CALN1: variants seen among roughly 807,000 people sequenced by gnomAD.
The protein encoded by CALN1 is calcium-binding protein 8.
CALN1 carries 17 observed loss-of-function variants against 30.6 expected under a neutral mutation model. The ratio of observed to expected loss-of-function variants is 0.56; its 90% CI spans 0.38 to 0.83. The LOEUF (loss-of-function observed/expected upper bound fraction) is 0.83, where lower values mean the gene tolerates loss of function less well. Ranked by LOEUF, CALN1 falls within the 40% of genes least tolerant of loss-of-function variation. CALN1 has a pLI of 0.00. For missense variants in CALN1, 291 were observed against 354.9 expected (o/e 0.82, Z 1.45); for synonymous variants, 156 against 131.4 (o/e 1.19, Z -1.28).
intron 3 of CALN1, among the ~76,000 whole-genome samples, chr7:72,248,287 G>A (rs1307363079): frequency 1.3e-5 from 2 of 152,190 alleles, no homozygotes; most frequent in Admixed American, 6.5e-5. Context: ...GCTAATTTTT[G>A]TATTTTTAGT....
chr7:72,114,998 T>C (rs1807866790), intron 3 of CALN1, among the ~76,000 whole-genome samples: 1 of 151,796 alleles, frequency 6.6e-6, no homozygotes, highest in South Asian at 2.1e-4. Context: ...AGGCTGGGCA[T>C]GCAACAGGAG....
chr7:72,306,716 C>G (rs917270120), intron 2 of CALN1, among the ~76,000 whole-genome samples: 4 of 152,022 alleles, frequency 2.6e-5, no homozygotes, highest in African/African-American at 9.7e-5. Flanking sequence ...GAGTTATCCC[C>G]TCTTTCTGGA....
chr7:72,118,709 G>A (rs1052493075), intron 3 of CALN1, among the ~76,000 whole-genome samples: 4 of 152,168 alleles, frequency 2.6e-5, no homozygotes, highest in African/African-American at 9.7e-5. Context: ...ATGTATGAGA[G>A]TGATAATCAC....
chr7:71,805,750 TATA>T (rs1787568758), intron 6 of CALN1, among the ~76,000 whole-genome samples: 1 of 152,170 alleles, frequency 6.6e-6, no homozygotes, highest in African/African-American at 2.4e-5. Context: ...TTCTTTATAA[TATA>T]ATGATTTATA....
At chr7:72,272,074 A>AG (rs1191042445) in intron 3 of CALN1, among the ~76,000 whole-genome samples, 1 of 151,462 alleles carries the variant, frequency 6.6e-6, no homozygotes, top group African/African-American at 2.4e-5. Flanking sequence ...AAAAAAAAAA[A>AG]AAGTCATCTA....
chr7:72,321,180 C>G (rs1800852511), intron 2 of CALN1, among the ~76,000 whole-genome samples: 2 of 128,702 alleles, frequency 1.6e-5, no homozygotes, highest in South Asian at 5.1e-4. Flanking sequence ...CCTGAAAAAG[C>G]ACTGTCTATT....
At chr7:72,313,817 G>A (rs1009221838) in intron 2 of CALN1, among the ~76,000 whole-genome samples, 1 of 152,206 alleles carries the variant, frequency 6.6e-6, no homozygotes, top group African/African-American at 2.4e-5. Context: ...AGAACAGAGA[G>A]GCAAGGGAGA....
chr7:72,019,860 T>C (rs1412101790), intron 5 of CALN1, among the ~76,000 whole-genome samples: 1 of 152,204 alleles, frequency 6.6e-6, no homozygotes, highest in African/African-American at 2.4e-5. Flanking sequence ...TAATGTATTA[T>C]GCAGCCAAAG....
chr7:71,851,208 A>AAC (rs56041427), intron 5 of CALN1, among the ~76,000 whole-genome samples: 26,636 of 131,762 alleles, frequency 0.2, 2,658 homozygotes, highest in South Asian at 0.26. Context: ...CCTTGTCTCA[A>AAC]ACACACACAC....
intron 5 of CALN1, among the ~76,000 whole-genome samples, chr7:71,883,104 G>A (rs1466257252): frequency 6.7e-6 from 1 of 150,200 alleles, no homozygotes; most frequent in Non-Finnish European, 1.5e-5. Context: ...ATACTATGAG[G>A]ATAGTGATAT....
intron 5 of CALN1, among the ~76,000 whole-genome samples, chr7:71,952,118 G>T (rs17426950): frequency 5.3e-5 from 8 of 152,178 alleles, no homozygotes; most frequent in African/African-American, 1.4e-4. Flanking sequence ...GAAAAATGAA[G>T]AGTCTGCCCA....
chr7:71,827,882 C>A (rs2116383710), intron 5 of CALN1, among the ~76,000 whole-genome samples: 1 of 151,950 alleles, frequency 6.6e-6, no homozygotes, highest in South Asian at 2.1e-4. Flanking sequence ...AAGGGTGGGT[C>A]CATGTGGATA....
At chr7:71,880,031 G>T (rs1792473536) in intron 5 of CALN1, among the ~76,000 whole-genome samples, 2 of 152,122 alleles carry the variant, frequency 1.3e-5, no homozygotes, top group African/African-American at 4.8e-5. Flanking sequence ...AGCAACTTTT[G>T]GAGGCTGAGG....
At chr7:72,374,549 G>GA (rs1444120293) in intron 2 of CALN1, among the ~76,000 whole-genome samples, 1,237 of 122,070 alleles carry the variant, frequency 0.01, 18 homozygotes, top group African/African-American at 0.031. Flanking sequence ...AAAAAAAAAG[G>GA]AAAAAAAAGA....
At chr7:72,290,783 C>T (rs1013199705) in intron 2 of CALN1, among the ~76,000 whole-genome samples, 2 of 152,108 alleles carry the variant, frequency 1.3e-5, no homozygotes, top group South Asian at 2.1e-4. Flanking sequence ...GGTGGTTGAA[C>T]CTGTCTACTG....
At chr7:71,898,509 A>T (rs1363077774) in intron 5 of CALN1, among the ~76,000 whole-genome samples, 1 of 152,204 alleles carries the variant, frequency 6.6e-6, no homozygotes, top group East Asian at 1.9e-4. Context: ...TACTGTGAGA[A>T]GATCTGACAT....
intron 5 of CALN1, among the ~76,000 whole-genome samples, chr7:71,941,451 A>C (rs1308936887): frequency 6.6e-6 from 1 of 152,148 alleles, no homozygotes; most frequent in African/African-American, 2.4e-5. Flanking sequence ...TCTAAAATTG[A>C]TGGTACCTAG....
intron 5 of CALN1, among the ~76,000 whole-genome samples, chr7:71,900,849 A>T (rs962650213): frequency 3.9e-5 from 6 of 152,234 alleles, no homozygotes; most frequent in Non-Finnish European, 7.3e-5. Context: ...GAGATTTAAA[A>T]TGCTAATGAG....
At chr7:71,932,107 G>A (rs1391286592) in intron 5 of CALN1, among the ~76,000 whole-genome samples, 1 of 152,126 alleles carries the variant, frequency 6.6e-6, no homozygotes, top group Non-Finnish European at 1.5e-5. Flanking sequence ...TGGAGTCCCA[G>A]GTTGTCAGTG....
Sources: allele counts gnomAD v4.1 joint callset (sites outside exome capture counted in the v4.1 genomes callset), GRCh38; gene constraint gnomAD v4.1.1; transcripts MANE v1.5; gene names NCBI Gene and HGNC (gene_info 2026-07-23, HGNC 2026-07-21).